The following TPST2 variants were observed in gnomAD, a reference collection of about 807,000 sequenced individuals.
TPST2 encodes protein-tyrosine sulfotransferase 2.
A neutral mutation model predicts 27.8 loss-of-function variants in TPST2; 16 were observed. The observed-to-expected ratio is 0.58, with a 90% CI of 0.39 to 0.88. The LOEUF (loss-of-function observed/expected upper bound fraction) is 0.88, where lower values mean the gene tolerates loss of function less well. Among genes scored for constraint, TPST2 ranks in the 40% least tolerant of loss-of-function variants. The pLI, the probability that TPST2 is intolerant of heterozygous loss-of-function variation, is 0.00. For missense variants in TPST2, 464 were observed against 543.1 expected (o/e 0.85, Z 1.45); for synonymous variants, 229 against 231.7 (o/e 0.99, Z 0.10).
chr22:26,544,622 T>A lies in TPST2; in HGVS notation c.-107A>T. On this transcript the variant is annotated 5_prime_UTR_variant, in exon 2 of 7. An upstream start codon of the reference 5' UTR is lost. Coordinates refer to ENST00000338754, the MANE Select transcript of TPST2 (RefSeq NM_003595.5). ...CACTTACCTCCCTTGGGCACTCTCA[T>A]CTCTGGGCTCCAGCCCTTGTGCCTG... 1.0e-6 allele frequency: 1 copy of A among 985,908 alleles called. No individual in the cohort carries two copies. The highest frequency in any genetic ancestry group is 1.2e-6 in the Non-Finnish European group (1 of 830,004). 61.1% of individuals were successfully genotyped at this position (985,908 alleles called of 1,614,324 possible). A position where few individuals can be genotyped will look rare whatever the true frequency, so the allele number is the denominator to read the frequency against.
At chr22:26,563,243 C>T (rs1203646636) in intron 1 of TPST2, among the ~76,000 whole-genome samples, 4 of 152,156 alleles carry the variant, frequency 2.6e-5, no homozygotes, top group Non-Finnish European at 4.4e-5. Context: ...GACAAAGCCC[C>T]AGCCTCCAGA....
intron 1 of TPST2, among the ~76,000 whole-genome samples, chr22:26,583,436 CAAA>C (rs775047318): frequency 1.6e-5 from 1 of 63,634 alleles, no homozygotes; most frequent in Admixed American, 2.1e-4. Flanking sequence ...AACTCCATCT[CAAA>C]AAAAAAAAAA....
intron 1 of TPST2, among the ~76,000 whole-genome samples, chr22:26,588,089 A>G (rs1191614533): frequency 6.6e-6 from 1 of 152,176 alleles, no homozygotes; most frequent in Non-Finnish European, 1.5e-5. Flanking sequence ...TATTATTCAT[A>G]ATAGTCAAAA....
intron 1 of TPST2, among the ~76,000 whole-genome samples, chr22:26,553,376 T>G (rs990944812): frequency 1.3e-5 from 2 of 151,990 alleles, no homozygotes; most frequent in Middle Eastern, 6.8e-3. Flanking sequence ...GCAGTTTTTT[T>G]TTTTTTTTTT....
chr22:26,538,273 A>G (rs1337615457), intron 3 of TPST2, among the ~76,000 whole-genome samples: 1 of 152,228 alleles, frequency 6.6e-6, no homozygotes, highest in African/African-American at 2.4e-5. Context: ...ACAGATTCAG[A>G]GGCTGCAAAC....
At chr22:26,540,426 C>G (rs1166735257) in intron 3 of TPST2, among the ~76,000 whole-genome samples, 2 of 152,130 alleles carry the variant, frequency 1.3e-5, no homozygotes, top group African/African-American at 4.8e-5. Flanking sequence ...AGGGCAAACC[C>G]CATCTCTACC....
intron 5 of TPST2, among the ~76,000 whole-genome samples, chr22:26,529,316 G>T (rs1925021101): frequency 6.6e-6 from 1 of 152,162 alleles, no homozygotes; most frequent in Non-Finnish European, 1.5e-5. Flanking sequence ...TTTTAGTAGA[G>T]ACAGGGTTTC....
At chr22:26,582,821 G>A (rs996857837) in intron 1 of TPST2, among the ~76,000 whole-genome samples, 2 of 152,280 alleles carry the variant, frequency 1.3e-5, no homozygotes, top group African/African-American at 4.8e-5. Context: ...CCTCGGGAAA[G>A]TGACTATTTC....
At position 26,536,395 on chromosome 22, in the gene TPST2, C is replaced by G; in HGVS notation, c.934G>C (p.Asp312His). 2 of 1,600,164 alleles carry G rather than the reference C, an allele frequency of 1.2e-6. No individual in the cohort carries two copies. Among genetic ancestry groups the G allele is most frequent in the Non-Finnish European group, 1.7e-6 (2 of 1,170,762 alleles). The change falls in exon 4 of 7, where the codon GAC becomes CAC. Residue 312 changes from aspartate to histidine, a missense_variant. Asp to His is a moderately conservative substitution (Grantham distance 81). Transcript: ENST00000338754. Reference sequence around the variant, plus strand: ...AGCATGGGGGCGATCTGGGCCATGTCCCGCACCACATCCCCAGGGATGTGG... The same window carrying G: ...AGCATGGGGGCGATCTGGGCCATGTGCCGCACCACATCCCCAGGGATGTGG... Reference protein sequence around the residue: ...TGHIPGDVVRDMAQIAPMLAQ... With the variant: ...TGHIPGDVVRHMAQIAPMLAQ...
chr22:26,534,689 C>T (rs968871740), intron 4 of TPST2, among the ~76,000 whole-genome samples: 2 of 152,172 alleles, frequency 1.3e-5, no homozygotes, highest in Admixed American at 6.5e-5. Context: ...AGCCGGCCCT[C>T]GCCTCTGCTT....
intron 3 of TPST2, among the ~76,000 whole-genome samples, chr22:26,538,601 C>G (rs1046420393): frequency 6.6e-6 from 1 of 152,214 alleles, no homozygotes; most frequent in Non-Finnish European, 1.5e-5. Context: ...GCGGGCAGAT[C>G]ACCTGAGGTC....
intron 1 of TPST2, chr22:26,565,463 G>A (rs1343931736): frequency 2.0e-5 from 3 of 152,776 alleles, no homozygotes; most frequent in Non-Finnish European, 4.4e-5. Context: ...ACTGGCAGCG[G>A]GCACCTCCTC....
chr22:26,541,100 C>T lies in TPST2; in HGVS notation c.531G>A (p.Lys177=). The change falls in exon 3 of 7, where the codon AAG becomes AAA. Residue 177 remains lysine (K), a synonymous_variant. Coordinates refer to ENST00000338754, the MANE Select transcript of TPST2 (RefSeq NM_003595.5). The surrounding 1 kb of genome is among the most constrained non-coding windows in gnomAD (Gnocchi z 5.9). ...GGCCGTCCCGCACCATCAGCAGGAA[C>T]TTGGAGTTGGGGAACAGGCGCGACA... is the stretch of plus-strand genomic sequence containing the variant. The part of the protein sequence containing the change: ...VYLSRLFPNS[K]FLLMVRDGRA... 1 of 1,607,292 alleles carries T rather than the reference C, an allele frequency of 6.2e-7. No homozygotes were observed. Among genetic ancestry groups the T allele is most frequent in the South Asian group, 1.1e-5 (1 of 90,812 alleles).
chr22:26,530,147 C>T (rs1234702757), intron 5 of TPST2, among the ~76,000 whole-genome samples: 1 of 152,160 alleles, frequency 6.6e-6, no homozygotes, highest in African/African-American at 2.4e-5. Flanking sequence ...GTTGTTGCTG[C>T]TGTTGTTTTT....
At chr22:26,575,820 C>A (rs989715526) in intron 1 of TPST2, among the ~76,000 whole-genome samples, 2 of 152,050 alleles carry the variant, frequency 1.3e-5, no homozygotes, top group African/African-American at 4.8e-5. Flanking sequence ...ATGGTGAAAC[C>A]CCGTATCTAC....
chr22:26,582,148 C>T (rs147255398), intron 1 of TPST2, among the ~76,000 whole-genome samples: 5 of 152,274 alleles, frequency 3.3e-5, no homozygotes, highest in South Asian at 2.1e-4. Context: ...GCACTTTAGC[C>T]GGGCGCTGTG....
chr22:26,557,298 C>T (rs1440267552), intron 1 of TPST2, among the ~76,000 whole-genome samples: 2 of 152,228 alleles, frequency 1.3e-5, no homozygotes, highest in Admixed American at 6.5e-5. Flanking sequence ...CCAGACTGGG[C>T]GTGCACCTGC....
At chr22:26,544,023 C>T (rs925220342) in intron 2 of TPST2, among the ~76,000 whole-genome samples, 2 of 152,178 alleles carry the variant, frequency 1.3e-5, no homozygotes, top group Middle Eastern at 3.2e-3. Flanking sequence ...ATCCTGGCAT[C>T]CTCGCAGTGA....
At chr22:26,585,096 T>C (rs577452771) in intron 1 of TPST2, among the ~76,000 whole-genome samples, 3 of 152,270 alleles carry the variant, frequency 2.0e-5, no homozygotes, top group East Asian at 1.9e-4. Flanking sequence ...AACCAAAGCA[T>C]AGAGAAACAG....
Sources: gnomAD v4.1 joint callset for allele counts (sites outside exome capture counted in the v4.1 genomes callset) on GRCh38, gnomAD v4.1.1 for gene constraint, Gnocchi (gnomAD v3.1) non-coding constraint, MANE v1.5 for transcripts, NCBI Gene and HGNC (gene_info 2026-07-23, HGNC 2026-07-21) for gene names.